Variants in BSN observed in about 807,000 individuals in gnomAD.
BSN encodes bassoon presynaptic cytomatrix protein.
BSN carries 57 observed loss-of-function variants against 264.8 expected under a neutral mutation model. The observed-to-expected ratio is 0.22, with a 90% CI of 0.17 to 0.27. The LOEUF (loss-of-function observed/expected upper bound fraction) is 0.27, where lower values mean the gene tolerates loss of function less well. Among genes scored for constraint, BSN ranks in the 10% least tolerant of loss-of-function variants. The pLI is 1.00. For missense variants in BSN, 4,615 were observed against 5,232.5 expected, an observed-to-expected ratio of 0.88 and a Z score of 3.64; for synonymous variants, 2,059 against 2,137.3, an observed-to-expected ratio of 0.96 and a Z score of 1.01.
At chr3:49,566,329 T>C (rs952097938) in intron 1 of BSN, among the ~76,000 whole-genome samples, 2 of 152,232 alleles carry the variant, frequency 1.3e-5, no homozygotes, top group African/African-American at 4.8e-5. Context: ...AGTTATTTTC[T>C]TGCTTCCTAG....
chr3:49,582,987 G>T (rs202062670), intron 1 of BSN, among the ~76,000 whole-genome samples: 1 of 40,274 alleles, frequency 2.5e-5, no homozygotes, highest in South Asian at 1.2e-3. Context: ...ATTTATTTAT[G>T]AGACAGGGTC....
chr3:49,578,528 C>G lies in BSN; in HGVS notation c.224+23702C>G, dbSNP rs541399209. ...GTTCACGCCATTCTCCTGCCTCAGC[C>G]TCCCGAGTAGCTGGGACTACAGGTG... On this transcript the variant is annotated intron_variant, in intron 1 of 11. Coordinates refer to ENST00000296452, the MANE Select transcript of BSN (RefSeq NM_003458.4). Among the ~76,000 whole-genome samples, 4 of 152,184 alleles carry G rather than the reference C, an allele frequency of 2.6e-5. No individual in the cohort carries two copies. The East Asian group carries it at 7.7e-4, about 29-fold the overall frequency.
intron 1 of BSN, among the ~76,000 whole-genome samples, chr3:49,569,031 G>T (rs1286655608): frequency 1.3e-5 from 2 of 152,180 alleles, no homozygotes; most frequent in Admixed American, 6.5e-5. Context: ...TGAGCCAGAA[G>T]GATTGCTGAA....
In BSN at chr3:49,642,401, A is replaced by G; in HGVS notation, c.767A>G (p.Gln256Arg). Reference protein sequence around the residue: ...ALSPAHSPAKQPLGKPDQERS... With the variant: ...ALSPAHSPAKRPLGKPDQERS... Reference sequence around the variant, plus strand: ...TCTCCTGCCCACTCCCCGGCCAAACAGCCCCTGGGGAAGCCAGACCAAGAG... The same window carrying G: ...TCTCCTGCCCACTCCCCGGCCAAACGGCCCCTGGGGAAGCCAGACCAAGAG... Residue 256 changes from glutamine (Q) to arginine (R), a missense_variant, in exon 3 of 12, where the codon CAG becomes CGG. Around this residue, in one of 3 missense-constraint regions of BSN, gnomAD observed 1,197 missense variants for 1,348.0 expected, o/e 0.89. Transcript: ENST00000296452. This position sits in a 1 kb window ranked among gnomAD's most constrained non-coding sequence, Gnocchi z 7.0. 1 of 1,601,726 alleles carries G rather than the reference A, an allele frequency of 6.2e-7. No homozygotes were observed. The highest frequency in any genetic ancestry group is 2.3e-5 in the East Asian group (1 of 44,310).
At chr3:49,589,718 G>A in intron 1 of BSN, among the ~76,000 whole-genome samples, 1 of 151,274 alleles carries the variant, frequency 6.6e-6, no homozygotes, top group Admixed American at 6.6e-5. Context: ...TGTTACCCAG[G>A]GTGGTCTCAA....
intron 1 of BSN, among the ~76,000 whole-genome samples, chr3:49,581,600 C>T (rs184674076): frequency 1.6e-4 from 25 of 151,676 alleles, no homozygotes; most frequent in African/African-American, 5.8e-4. Flanking sequence ...CCGAGGTGGG[C>T]GGATCACAAA....
At chr3:49,639,205 T>TC (rs2052442426) in intron 2 of BSN, among the ~76,000 whole-genome samples, 1 of 149,478 alleles carries the variant, frequency 6.7e-6, no homozygotes, top group Non-Finnish European at 1.5e-5. Flanking sequence ...TTTTCTTTTT[T>TC]TTTTTTTTTT....
rs141263366 is a variant in BSN, at chr3:49,656,979, G to A, written c.7423G>A (p.Ala2475Thr). The A allele has an allele frequency of 1.1e-4, 180 of 1,609,076 alleles. 1 individual carries two copies. In the Middle Eastern group the frequency reaches 7.9e-3, roughly 71 times the overall value. ...AGAGGAGCAGAAGCAGCGGCAGAAG[G>A]CTCCCTTTCCTGCAGCCTGTGAGGC... Reference protein sequence around the residue: ...QLEEQKQRQKAPFPAACEAPG... With the variant: ...QLEEQKQRQKTPFPAACEAPG... Residue 2475 changes from alanine (A) to threonine (T), a missense_variant, in exon 5 of 12, where the codon GCT becomes ACT. Physicochemically the swap from Ala to Thr is moderately conservative, Grantham distance 58 (BLOSUM62 0). Coordinates refer to ENST00000296452, the MANE Select transcript of BSN (RefSeq NM_003458.4).
intron 1 of BSN, among the ~76,000 whole-genome samples, chr3:49,578,456 G>A (rs1288873861): frequency 1.3e-5 from 2 of 151,282 alleles, no homozygotes; most frequent in Non-Finnish European, 2.9e-5. Flanking sequence ...CGCTCAGCCT[G>A]GAGTGCAGTG....
At position 49,606,463 on chromosome 3, in the gene BSN, T is replaced by TA. The variant is rs2052153359; in HGVS notation, c.225-18511dup. Among the ~76,000 whole-genome samples the TA allele has an allele frequency of 3.3e-5, 5 of 150,264 alleles. No homozygotes were observed. The South Asian group carries it at 8.3e-4, about 25-fold the overall frequency. Reference sequence around the variant, plus strand: ...TATCATACTCTGAATGAATTGGACTTACCTATTTGTCTTCTTGATCTTTGC... The same window carrying TA: ...TATCATACTCTGAATGAATTGGACTTAACCTATTTGTCTTCTTGATCTTTGC... On this transcript the variant is annotated intron_variant, in intron 1 of 11. Transcript: ENST00000296452.
chr3:49,658,307 A>G, intron 5 of BSN, 111 bp downstream of exon 5: 1 of 1,302,436 alleles, frequency 7.7e-7, no homozygotes, highest in Non-Finnish European at 1.0e-6. Context: ...CTCTGGCCCC[A>G]GAGGCCCAGG....
intron 1 of BSN, among the ~76,000 whole-genome samples, chr3:49,619,094 T>C (rs2052282999): frequency 2.0e-5 from 1 of 49,982 alleles, no homozygotes; most frequent in South Asian, 1.3e-3. Context: ...TAAATGTGAA[T>C]TCCTGAATGA....
chr3:49,663,949 A>G, intron 8 of BSN, 63 bp downstream of exon 8: 1 of 1,487,718 alleles, frequency 6.7e-7, no homozygotes, highest in Non-Finnish European at 9.3e-7. Flanking sequence ...CTCTCTCTAT[A>G]CCACCTGTGC....
intron 1 of BSN, among the ~76,000 whole-genome samples, chr3:49,584,906 T>C (rs2051922918): frequency 6.6e-6 from 1 of 152,234 alleles, no homozygotes; most frequent in African/African-American, 2.4e-5. Context: ...TTTCTGTGCC[T>C]GGCTTATTTC....
At position 49,658,177 on chromosome 3, in the gene BSN, A is replaced by C. The variant is rs1407829037; in HGVS notation, c.8621A>C (p.Gln2874Pro). 6.3e-7 allele frequency: 1 copy of C among 1,576,244 alleles called. No individual in the cohort carries two copies. The highest frequency in any genetic ancestry group is 1.4e-5 in the African/African-American group (1 of 74,062). Residue 2874 changes from glutamine to proline, a missense_variant, in exon 5 of 12, where the codon CAG becomes CCG. By Grantham distance (76) the Gln-to-Pro change is moderately conservative (BLOSUM62 -1). Coordinates refer to ENST00000296452, the MANE Select transcript of BSN (RefSeq NM_003458.4). The stretch of plus-strand genomic sequence containing the variant: ...GAGAGATTCTCCCTCTACCAGCACC[A>C]GGGGGGACTGGGTAGCCAGGTATGG... The part of the protein sequence containing the change: ...AKERFSLYQH[Q>P]GGLGSQVSAL...
Position 49,657,483 on chromosome 3 carries a change from A to G in BSN, c.7927A>G (p.Ser2643Gly), listed in dbSNP as rs766925837. 1.6e-5 allele frequency: 26 copies of G among 1,613,064 alleles called. No individual in the cohort carries two copies. The South Asian group carries it at 2.9e-4, about 18-fold the overall frequency. Residue 2643 changes from serine to glycine, a missense_variant, in exon 5 of 12, where the codon AGC becomes GGC. By Grantham distance (56) the Ser-to-Gly change is moderately conservative. Transcript: ENST00000296452. ...LPRHSDSGSDSKHDATASSSS... is the reference protein window; with the variant it reads ...LPRHSDSGSDGKHDATASSSS... ...CCGCCACTCAGACTCAGGCTCTGAC[A>G]GCAAGCACGATGCCACTGCCTCATC...
In BSN at chr3:49,662,331, C is replaced by T; in HGVS notation, c.10486C>T (p.Pro3496Ser). 6.2e-7 allele frequency: 1 copy of T among 1,613,642 alleles called. No individual in the cohort carries two copies. The highest frequency in any genetic ancestry group is 1.7e-5 in the Admixed American group (1 of 60,024). ...LSMAHSRVRP[P>S]MRSQASEEES... is the part of the protein sequence containing the mutation. ...TATGGCCCACAGCCGGGTACGACCC[C>T]CCATGCGGAGCCAGGCCTCTGAAGA... Residue 3496 changes from proline (P) to serine (S), a missense_variant, in exon 6 of 12, where the codon CCC becomes TCC. Around this residue, in one of 3 missense-constraint regions of BSN, gnomAD observed 3,415 missense variants for 3,866.4 expected, o/e 0.88. Coordinates refer to ENST00000296452, the MANE Select transcript of BSN (RefSeq NM_003458.4).
chr3:49,659,526 T>G (rs919949424), intron 5 of BSN, among the ~76,000 whole-genome samples: 1 of 152,102 alleles, frequency 6.6e-6, no homozygotes, highest in Non-Finnish European at 1.5e-5. Flanking sequence ...AAAGTAAGAA[T>G]CCTATAGGAG....
intron 1 of BSN, among the ~76,000 whole-genome samples, chr3:49,574,756 G>A (rs1043338333): frequency 6.7e-6 from 1 of 150,092 alleles, no homozygotes; most frequent in Non-Finnish European, 1.5e-5. Flanking sequence ...TTGCCCCAGC[G>A]AGTAGCTGGG....
Sources: allele counts gnomAD v4.1 joint callset (sites outside exome capture counted in the v4.1 genomes callset), GRCh38; gene constraint gnomAD v4.1.1; regional missense constraint gnomAD v4.1.1; non-coding constraint Gnocchi (gnomAD v3.1); transcripts MANE v1.5; gene names NCBI Gene and HGNC (gene_info 2026-07-23, HGNC 2026-07-21).